The following DCHS2 variants were observed in gnomAD, a reference collection of about 807,000 sequenced individuals.
DCHS2 encodes protocadherin-23.
In DCHS2, 142 loss-of-function variants were observed where a neutral mutation model predicts 182.4. The ratio of observed to expected loss-of-function variants is 0.78; its 90% confidence interval spans 0.68 to 0.89. The LOEUF (loss-of-function observed/expected upper bound fraction) is 0.89. Ranked by LOEUF, DCHS2 falls within the 40% of genes least tolerant of loss-of-function variation. DCHS2 has a pLI of 0.00. For synonymous variants in DCHS2, 1,740 were observed against 1,663.3 expected (o/e 1.05, Z -1.12); for missense variants, 4,319 against 4,198.6 (o/e 1.03, Z -0.79).
chr4:154,236,070 G>T lies in DCHS2; in HGVS notation c.8582C>A (p.Thr2861Asn). The T allele has an allele frequency of 6.2e-7, 1 of 1,613,782 alleles. No individual in the cohort carries two copies. The highest frequency in any genetic ancestry group is 8.5e-7 in the Non-Finnish European group (1 of 1,179,936). ...TVQAKDKGDATASLVVWVDIE... is the reference protein window; with the variant it reads ...TVQAKDKGDANASLVVWVDIE... ...ATCCACCCAGACCACTAAGGAGGCA[G>T]TTGCATCACCTTTGTCTTTGGCTTG... Residue 2861 changes from threonine to asparagine, a missense_variant, in exon 20 of 20, where the codon ACT (threonine) becomes AAT (asparagine). Thr to Asn is a moderately conservative substitution (Grantham distance 65, BLOSUM62 0). Coordinates refer to ENST00000357232, the MANE Select transcript of DCHS2 (RefSeq NM_001358235.2).
intron 1 of DCHS2, among the ~76,000 whole-genome samples, chr4:154,398,031 G>A (rs986292860): frequency 6.6e-6 from 1 of 152,138 alleles, no homozygotes; most frequent in Non-Finnish European, 1.5e-5. Context: ...TGGAAAAGGA[G>A]ACAATAATGG....
chr4:154,259,846 A>T (rs1732893076), intron 14 of DCHS2, 90 bp from the exon 15 acceptor site: 1 of 1,352,644 alleles, frequency 7.4e-7, no homozygotes, highest in Non-Finnish European at 9.7e-7. Flanking sequence ...GTTTTGAGAC[A>T]GAGTCTCGCA....
chr4:154,313,115 T>C (rs1205544007), intron 10 of DCHS2, among the ~76,000 whole-genome samples: 1 of 152,170 alleles, frequency 6.6e-6, no homozygotes, highest in Non-Finnish European at 1.5e-5. Flanking sequence ...TGTGGCAATA[T>C]ACTGTTAAGT....
intron 1 of DCHS2, among the ~76,000 whole-genome samples, chr4:154,411,025 C>T (rs924396050): frequency 3.3e-5 from 5 of 152,158 alleles, no homozygotes; most frequent in Admixed American, 3.3e-4. Context: ...GAATACTATA[C>T]ACAGGAAATA....
intron 12 of DCHS2, among the ~76,000 whole-genome samples, chr4:154,299,083 G>C (rs1735094236): frequency 6.6e-6 from 1 of 152,082 alleles, no homozygotes; most frequent in African/African-American, 2.4e-5. Flanking sequence ...CAAAACAATA[G>C]ATGAGGATAA....
At chr4:154,411,747 A>G (rs1487732084) in intron 1 of DCHS2, among the ~76,000 whole-genome samples, 1 of 152,198 alleles carries the variant, frequency 6.6e-6, no homozygotes, top group East Asian at 1.9e-4. Flanking sequence ...ATGGATAACT[A>G]TGTGAGATGA....
intron 13 of DCHS2, among the ~76,000 whole-genome samples, chr4:154,282,410 G>A (rs901200053): frequency 6.6e-6 from 1 of 151,392 alleles, no homozygotes; most frequent in Admixed American, 6.6e-5. Context: ...ATATCCAAAC[G>A]GTCAATATCA....
chr4:154,396,365 A>G (rs1731929538), intron 1 of DCHS2, among the ~76,000 whole-genome samples: 1 of 152,152 alleles, frequency 6.6e-6, no homozygotes, highest in Admixed American at 6.6e-5. Flanking sequence ...TCTGCCCAGA[A>G]AAGAGAGGCC....
intron 1 of DCHS2, among the ~76,000 whole-genome samples, chr4:154,476,592 G>T (rs559647884): frequency 6.6e-6 from 1 of 152,298 alleles, no homozygotes; most frequent in South Asian, 2.1e-4. Context: ...TGGCTACCAT[G>T]CAGGGCATTT....
At chr4:154,354,115 A>G (rs1729749998) in intron 3 of DCHS2, among the ~76,000 whole-genome samples, 1 of 152,056 alleles carries the variant, frequency 6.6e-6, no homozygotes, top group Admixed American at 6.6e-5. Context: ...TAGTGGAGAT[A>G]GAGTTTCACC....
intron 9 of DCHS2, 51 bp from the exon 10 acceptor site, chr4:154,316,038 A>G: frequency 6.2e-7 from 1 of 1,601,284 alleles, no homozygotes. Flanking sequence ...TCTTTAGAGA[A>G]GTCATGCTTA....
intron 12 of DCHS2, among the ~76,000 whole-genome samples, chr4:154,301,714 G>A (rs1735199858): frequency 6.6e-6 from 1 of 152,076 alleles, no homozygotes; most frequent in African/African-American, 2.4e-5. Context: ...GGTCAGGCTG[G>A]TCTCAAATTA....
intron 1 of DCHS2, among the ~76,000 whole-genome samples, chr4:154,472,744 C>A (rs1735523324): frequency 6.6e-6 from 1 of 151,826 alleles, no homozygotes; most frequent in African/African-American, 2.4e-5. Context: ...TCAGAGATGA[C>A]CCCACCCTGC....
chr4:154,319,206 T>A (rs2111331645), intron 9 of DCHS2, among the ~76,000 whole-genome samples: 1 of 152,226 alleles, frequency 6.6e-6, no homozygotes, highest in East Asian at 1.9e-4. Flanking sequence ...TAAAATGGAT[T>A]AAAGACTTAA....
intron 1 of DCHS2, among the ~76,000 whole-genome samples, chr4:154,459,094 A>G (rs1421495105): frequency 6.6e-6 from 1 of 152,238 alleles, no homozygotes; most frequent in Non-Finnish European, 1.5e-5. Flanking sequence ...CAGAATTTTA[A>G]AGAACTATGA....
intron 13 of DCHS2, among the ~76,000 whole-genome samples, chr4:154,277,462 C>CT (rs1168604385): frequency 6.6e-6 from 1 of 152,078 alleles, no homozygotes; most frequent in Non-Finnish European, 1.5e-5. Flanking sequence ...GCAAACCTCT[C>CT]TAATTGGGTA....
At chr4:154,293,768 G>A (rs531534251) in intron 13 of DCHS2, among the ~76,000 whole-genome samples, 7 of 152,158 alleles carry the variant, frequency 4.6e-5, no homozygotes, top group Admixed American at 4.6e-4. Context: ...TAATTTAAAG[G>A]CCATCAATGT....
At chr4:154,344,817 C>T (rs931266709) in intron 3 of DCHS2, among the ~76,000 whole-genome samples, 14 of 152,168 alleles carry the variant, frequency 9.2e-5, no homozygotes, top group Non-Finnish European at 8.8e-5. Flanking sequence ...TGCAGAGCTA[C>T]GTTCAAACCT....
intron 10 of DCHS2, among the ~76,000 whole-genome samples, chr4:154,310,194 A>G (rs1735618507): frequency 6.6e-6 from 1 of 152,242 alleles, no homozygotes; most frequent in South Asian, 2.1e-4. Context: ...ATATTTTCTA[A>G]GTTATATTGG....
Sources: gnomAD v4.1 joint callset for allele counts (sites outside exome capture counted in the v4.1 genomes callset) on GRCh38, gnomAD v4.1.1 for gene constraint, MANE v1.5 for transcripts, NCBI Gene and HGNC (gene_info 2026-07-23, HGNC 2026-07-21) for gene names.